The following TMEM178B variants were observed in gnomAD, a reference collection of about 807,000 sequenced individuals.
TMEM178B encodes transmembrane protein 178B.
TMEM178B carries 5 observed loss-of-function variants against 31.0 expected under a neutral mutation model. The ratio of observed to expected loss-of-function variants is 0.16; its 90% confidence interval spans 0.08 to 0.34. The LOEUF is 0.34. Among genes scored for constraint, TMEM178B ranks in the 10% least tolerant of loss-of-function variants. The pLI is 1.00. For missense variants in TMEM178B, 275 were observed against 400.3 expected, an observed-to-expected ratio of 0.69 and a Z score of 2.67; for synonymous variants, 164 against 164.0, an observed-to-expected ratio of 1.00 and a Z score of 0.00.
intron 2 of TMEM178B, among the ~76,000 whole-genome samples, chr7:141,223,049 A>G (rs1366358362): frequency 6.6e-6 from 1 of 152,202 alleles, no homozygotes; most frequent in East Asian, 1.9e-4. Context: ...AGTACAACGT[A>G]TTGAAATTGT....
intron 1 of TMEM178B, among the ~76,000 whole-genome samples, chr7:141,159,983 T>C (rs1482226197): frequency 6.7e-6 from 1 of 148,466 alleles, no homozygotes; most frequent in Non-Finnish European, 1.5e-5. Context: ...GAAGCATTGT[T>C]TATTTTATAT....
rs372766812 is a variant in TMEM178B at position 141,135,832 on chromosome 7, G to A, written c.382+61140G>A. ...GCACCTCAGGAAACTAGAAACGCAG[G>A]AATAAACCAAATCCCAAATTAGTAA... On this transcript the variant is annotated intron_variant, in intron 1 of 3. Coordinates refer to ENST00000565468, the MANE Select transcript of TMEM178B (RefSeq NM_001195278.2). Among the ~76,000 whole-genome samples the A allele has an allele frequency of 1.2e-4, 19 of 152,040 alleles. 2 individuals carry two copies. The highest frequency in any genetic ancestry group is 7.7e-4 in the East Asian group (4 of 5,166).
intron 2 of TMEM178B, among the ~76,000 whole-genome samples, chr7:141,409,998 C>T (rs1220405017): frequency 5.9e-5 from 9 of 152,160 alleles, no homozygotes; most frequent in Non-Finnish European, 4.4e-5. Context: ...TTTGCTTAGC[C>T]CTGGGCTCAG....
chr7:141,127,474 G>A (rs1795517720), intron 1 of TMEM178B, among the ~76,000 whole-genome samples: 3 of 152,166 alleles, frequency 2.0e-5, no homozygotes, highest in Admixed American at 6.5e-5. Flanking sequence ...AAGAAGAGAG[G>A]CCACAGAAGT....
chr7:141,382,897 C>T (rs968869836), intron 2 of TMEM178B, among the ~76,000 whole-genome samples: 19 of 152,192 alleles, frequency 1.2e-4, no homozygotes, highest in African/African-American at 4.3e-4. Flanking sequence ...GAAATCACAG[C>T]AACATTTACC....
intron 2 of TMEM178B, among the ~76,000 whole-genome samples, chr7:141,292,823 A>C (rs963499956): frequency 4.0e-5 from 6 of 151,766 alleles, no homozygotes; most frequent in Non-Finnish European, 7.4e-5. Flanking sequence ...TTTTTAGTAG[A>C]GATGGTGTTT....
chr7:141,245,082 G>A (rs919003917), intron 2 of TMEM178B, among the ~76,000 whole-genome samples: 4 of 140,760 alleles, frequency 2.8e-5, no homozygotes, highest in African/African-American at 1.0e-4. Flanking sequence ...AGAATTGCTT[G>A]AACCTGGGAG....
chr7:141,491,644 C>T, the TMEM178B span, among the ~76,000 whole-genome samples: 1 of 152,168 alleles, frequency 6.6e-6, no homozygotes, highest in East Asian at 1.9e-4. Context: ...CTCTCAATCT[C>T]TATACCAAGT....
chr7:141,170,417 T>C (rs1056550142), intron 1 of TMEM178B, among the ~76,000 whole-genome samples: 2 of 152,170 alleles, frequency 1.3e-5, no homozygotes, highest in Admixed American at 6.5e-5. Flanking sequence ...CTCAGTTTTT[T>C]ATTGAGTGTG....
intron 1 of TMEM178B, among the ~76,000 whole-genome samples, chr7:141,110,818 G>C (rs1795223050): frequency 6.6e-6 from 1 of 152,156 alleles, no homozygotes; most frequent in Non-Finnish European, 1.5e-5. Context: ...TAAGGCTGGG[G>C]CCCTGATCTG....
intron 2 of TMEM178B, among the ~76,000 whole-genome samples, chr7:141,225,905 C>CCAGTCT (rs1797334315): frequency 1.3e-5 from 2 of 152,144 alleles, no homozygotes; most frequent in Non-Finnish European, 2.9e-5. Context: ...GTCTTAGGCC[C>CCAGTCT]CAGTCTCAGT....
rs768772423 is a variant in TMEM178B at position 141,212,617 on chromosome 7, A to G, written c.409A>G (p.Lys137Glu). Reference sequence around the variant, plus strand: ...AGAAATTGAGCGATGTACGTACATCAAATACCACTACTCCTCAGCAACCAT... The same window carrying G: ...AGAAATTGAGCGATGTACGTACATCGAATACCACTACTCCTCAGCAACCAT... ...KGEIERCTYI[K>E]YHYSSATIPR... Residue 137 changes from lysine to glutamate, a missense_variant, in exon 2 of 4, where the codon AAA becomes GAA. Coordinates refer to ENST00000565468, the MANE Select transcript of TMEM178B (RefSeq NM_001195278.2). 2 of 1,536,152 alleles carry G rather than the reference A, an allele frequency of 1.3e-6. No homozygotes were observed. The highest frequency in any genetic ancestry group is 2.4e-5 in the South Asian group (2 of 84,060).
chr7:141,132,381 T>C (rs1177760616), intron 1 of TMEM178B, among the ~76,000 whole-genome samples: 1 of 152,232 alleles, frequency 6.6e-6, no homozygotes, highest in African/African-American at 2.4e-5. Flanking sequence ...TAAATATTTG[T>C]TTAATGAAAG....
At chr7:141,127,206 C>T (rs1795512855) in intron 1 of TMEM178B, among the ~76,000 whole-genome samples, 1 of 152,170 alleles carries the variant, frequency 6.6e-6, no homozygotes, top group South Asian at 2.1e-4. Context: ...TTTCTTCTTA[C>T]TCCAAATTTA....
At chr7:141,092,392 C>T (rs1794895790) in intron 1 of TMEM178B, among the ~76,000 whole-genome samples, 1 of 152,056 alleles carries the variant, frequency 6.6e-6, no homozygotes, top group African/African-American at 2.4e-5. Context: ...GACTTGAAGG[C>T]TGGGGACACT....
intron 2 of TMEM178B, chr7:141,416,033 A>G (rs1801089611): frequency 6.5e-6 from 1 of 152,674 alleles, no homozygotes; most frequent in Non-Finnish European, 1.5e-5. Flanking sequence ...TTCTTTTTAA[A>G]TTCTTTGTTG....
chr7:141,390,717 C>T (rs759889061), intron 2 of TMEM178B, among the ~76,000 whole-genome samples: 4 of 152,230 alleles, frequency 2.6e-5, no homozygotes, highest in Non-Finnish European at 5.9e-5. Context: ...TTCCCAGTTA[C>T]GACCTTTAGC....
chr7:141,229,283 G>C (rs552757956), intron 2 of TMEM178B, among the ~76,000 whole-genome samples: 1 of 152,110 alleles, frequency 6.6e-6, no homozygotes, highest in East Asian at 1.9e-4. Flanking sequence ...AAACCTAACA[G>C]TAAATCCAGC....
intron 3 of TMEM178B, among the ~76,000 whole-genome samples, chr7:141,451,287 T>G (rs899589088): frequency 2.0e-5 from 3 of 152,254 alleles, no homozygotes; most frequent in Non-Finnish European, 2.9e-5. Context: ...ACGGTTGTTA[T>G]GAGAATTAAA....
Sources: gnomAD v4.1 joint callset for allele counts (sites outside exome capture counted in the v4.1 genomes callset) on GRCh38, gnomAD v4.1.1 for gene constraint, MANE v1.5 for transcripts, NCBI Gene and HGNC (gene_info 2026-07-23, HGNC 2026-07-21) for gene names.